Variants in TRPM8 observed in about 807,000 individuals in gnomAD.
TRPM8 encodes transient receptor potential cation channel subfamily M member 8, also known as TRPM8 cationic channel.
In TRPM8, 110 loss-of-function variants were observed where a neutral mutation model predicts 133.7. That is an observed-to-expected ratio of 0.82 (90% CI 0.70 to 0.96). The LOEUF is 0.96. Ranked by LOEUF, TRPM8 falls within the 40% of genes least tolerant of loss-of-function variation. The pLI is 0.00. For synonymous variants in TRPM8, 535 were observed against 532.3 expected (o/e 1.01, Z -0.07); for missense variants, 1,291 against 1,379.5 (o/e 0.94, Z 1.02).
chr2:233,963,922 C>G (rs1691499913), intron 13 of TRPM8, among the ~76,000 whole-genome samples: 1 of 152,132 alleles, frequency 6.6e-6, no homozygotes, highest in Admixed American at 6.6e-5. Context: ...TTGAGCTATT[C>G]CAGTATGAGA....
chr2:233,951,588 G>A (rs1163843580), intron 9 of TRPM8, among the ~76,000 whole-genome samples: 7 of 152,130 alleles, frequency 4.6e-5, no homozygotes, highest in South Asian at 2.1e-4. Flanking sequence ...CATGAAAACT[G>A]TTACAGGCAA....
chr2:233,980,843 G>T (rs572573796), intron 18 of TRPM8, among the ~76,000 whole-genome samples: 2 of 152,110 alleles, frequency 1.3e-5, no homozygotes, highest in African/African-American at 4.8e-5. Flanking sequence ...AGAGATTAGG[G>T]TATGCCCCAA....
intron 21 of TRPM8, among the ~76,000 whole-genome samples, chr2:233,991,896 A>G (rs916185167): frequency 1.3e-5 from 2 of 152,168 alleles, no homozygotes; most frequent in Admixed American, 1.3e-4. Context: ...CCTTCCCCCA[A>G]AAATTCTTGT....
intron 21 of TRPM8, 23 bp downstream of exon 21, chr2:233,985,888 A>G: frequency 1.9e-6 from 3 of 1,591,962 alleles, no homozygotes; most frequent in Non-Finnish European, 2.6e-6. Context: ...TCACATGTTC[A>G]CTGATGTCCA....
chr2:234,007,027 T>C, intron 23 of TRPM8, 75 bp downstream of exon 23: 1 of 1,056,664 alleles, frequency 9.5e-7, no homozygotes, highest in Non-Finnish European at 1.4e-6. Flanking sequence ...GGCAGCTTAT[T>C]TGAGCAAACT....
intron 8 of TRPM8, 165 bp downstream of exon 8, chr2:233,947,320 C>T (rs1225071563): frequency 1.3e-6 from 2 of 1,544,600 alleles, no homozygotes; most frequent in Non-Finnish European, 1.8e-6. Context: ...TCCGGTTATT[C>T]CTCAGTCAAG....
intron 6 of TRPM8, 60 bp from the exon 7 acceptor site, chr2:233,945,796 A>G: frequency 6.9e-7 from 1 of 1,455,100 alleles, no homozygotes; most frequent in Non-Finnish European, 9.5e-7. Context: ...ATAGAAAAAT[A>G]TCATCATGTA....
At chr2:233,948,292 T>C (rs985875237) in intron 8 of TRPM8, among the ~76,000 whole-genome samples, 3 of 152,222 alleles carry the variant, frequency 2.0e-5, no homozygotes, top group Admixed American at 2.0e-4. Flanking sequence ...AATAAAAATA[T>C]TCAGGGAAAC....
chr2:233,947,178 A>G (rs201566714), intron 8 of TRPM8, 23 bp downstream of exon 8: 73 of 1,613,164 alleles, frequency 4.5e-5, no homozygotes, highest in Admixed American at 2.5e-4. Context: ...TTAGTTTTCT[A>G]GAAGGTTGGC....
chr2:233,975,488 A>G (rs1691846744), intron 17 of TRPM8, among the ~76,000 whole-genome samples: 1 of 152,202 alleles, frequency 6.6e-6, no homozygotes, highest in South Asian at 2.1e-4. Flanking sequence ...CAGGCTCCCA[A>G]ACATTTCTCT....
At position 233,955,139 on chromosome 2, in the gene TRPM8, C is replaced by T. The variant is rs1437908104; in HGVS notation, c.1251C>T (p.Ser417=). 2.5e-6 allele frequency: 4 copies of T among 1,613,238 alleles called. No homozygotes were observed. Among genetic ancestry groups the T allele is most frequent in the Non-Finnish European group, 3.4e-6 (4 of 1,179,350 alleles). Residue 417 remains serine, a synonymous_variant, in exon 11 of 26, where the codon AGC becomes AGT. Coordinates refer to ENST00000324695, the MANE Select transcript of TRPM8 (RefSeq NM_024080.5). The part of the protein sequence containing the change: ...AISYALYKAF[S]TSEQDKDNWN... ...TTTCCTGCCCTCTCACAGCCTTCAG[C>T]ACCAGTGAGCAAGACAAGGATAACT...
At position 233,955,167 on chromosome 2, in the gene TRPM8, A is replaced by G. The variant is rs1384282609; in HGVS notation, c.1279A>G (p.Asn427Asp). The G allele has an allele frequency of 3.1e-6, 5 of 1,614,004 alleles. No homozygotes were observed. Among genetic ancestry groups the G allele is most frequent in the East Asian group, 4.5e-5 (2 of 44,896 alleles). The change falls in exon 11 of 26, where the codon AAT becomes GAT. Residue 427 changes from asparagine to aspartate, a missense_variant. By Grantham distance (23) the Asn-to-Asp change is conservative. This residue lies in a region of TRPM8 where 963 missense variants were observed against 968.9 expected (regional missense o/e 0.99). Transcript: ENST00000324695. ...STSEQDKDNW[N>D]GQLKLLLEWN... ...CAGTGAGCAAGACAAGGATAACTGG[A>G]ATGGGCAGCTGAAGCTTCTGCTGGA...
In TRPM8 at chr2:233,937,335, C is replaced by T. The variant is rs1298463123; in HGVS notation, c.192-18C>T. The T allele has an allele frequency of 6.2e-7, 1 of 1,613,210 alleles. No homozygotes were observed. Among genetic ancestry groups the T allele is most frequent in the African/African-American group, 1.3e-5 (1 of 74,908 alleles). ...CAATGAAATCCTTCCTTCCTGTCCA[C>T]ACCATCGTGCTTATCAGGGAGAATG... On this transcript the variant is annotated intron_variant, in intron 3 of 25. Coordinates refer to ENST00000324695, the MANE Select transcript of TRPM8 (RefSeq NM_024080.5).
At chr2:233,947,574 G>A (rs1315862547) in intron 8 of TRPM8, 2 of 1,291,704 alleles carry the variant, frequency 1.5e-6, no homozygotes, top group Non-Finnish European at 2.0e-6. Context: ...ATGCCACCTG[G>A]GGATGCAGGT....
intron 18 of TRPM8, among the ~76,000 whole-genome samples, chr2:233,981,442 G>A (rs1012330645): frequency 7.9e-5 from 12 of 152,176 alleles, no homozygotes; most frequent in Admixed American, 5.2e-4. Context: ...GGTTGGCATC[G>A]TTATAGAAGC....
At chr2:233,980,101 G>C in intron 17 of TRPM8, 87 bp from the exon 18 acceptor site, 2 of 913,694 alleles carry the variant, frequency 2.2e-6, no homozygotes, top group Non-Finnish European at 3.4e-6. Context: ...AAAGGACCTG[G>C]AAGAAAATGA....
chr2:233,935,002 C>A (rs1035020279), intron 3 of TRPM8, among the ~76,000 whole-genome samples: 2 of 152,240 alleles, frequency 1.3e-5, no homozygotes, highest in African/African-American at 4.8e-5. Flanking sequence ...CTTGAAAACA[C>A]AGCCTTTCTC....
At chr2:233,927,119 A>G (rs368886235) in intron 2 of TRPM8, among the ~76,000 whole-genome samples, 1 of 152,154 alleles carries the variant, frequency 6.6e-6, no homozygotes, top group African/African-American at 2.4e-5. Context: ...GATCCTGTCC[A>G]ACACTCTCAT....
intron 22 of TRPM8, among the ~76,000 whole-genome samples, chr2:234,004,520 A>G (rs1478362888): frequency 6.6e-6 from 1 of 152,196 alleles, no homozygotes; most frequent in Admixed American, 6.5e-5. Flanking sequence ...TAATTCTGAA[A>G]TTGTTCTTCT....
Sources: gnomAD v4.1 joint callset for allele counts (sites outside exome capture counted in the v4.1 genomes callset) on GRCh38, gnomAD v4.1.1 for gene constraint, gnomAD v4.1.1 regional missense constraint, MANE v1.5 for transcripts, NCBI Gene and HGNC (gene_info 2026-07-23, HGNC 2026-07-21) for gene names.